HADHB: variants seen among roughly 807,000 people sequenced by gnomAD.
HADHB encodes trifunctional enzyme subunit beta, mitochondrial.
A neutral mutation model predicts 61.9 loss-of-function variants in HADHB; 50 were observed. The observed-to-expected ratio is 0.81, with a 90% confidence interval of 0.64 to 1.02. The LOEUF is 1.02. HADHB is among the 50% of genes least tolerant of loss of function. The pLI is 0.00. For synonymous variants in HADHB, 191 were observed against 201.6 expected (o/e 0.95, Z 0.45); for missense variants, 504 against 586.5 (o/e 0.86, Z 1.45).
At chr2:26,284,011 G>GTT in intron 12 of HADHB, 106 bp from the exon 13 acceptor site, 1 of 711,552 alleles carries the variant, frequency 1.4e-6, no homozygotes, top group Non-Finnish European at 2.5e-6. Context: ...CAAAGAATGA[G>GTT]TGAAAAGACA....
intron 3 of HADHB, among the ~76,000 whole-genome samples, chr2:26,260,231 A>G (rs1671805790): frequency 6.6e-6 from 1 of 151,632 alleles, no homozygotes; most frequent in South Asian, 2.1e-4. Flanking sequence ...ATAGGAGCGT[A>G]CCACCGTGCC....
chr2:26,280,477 G>A (rs1288694822), intron 10 of HADHB, among the ~76,000 whole-genome samples: 1 of 152,234 alleles, frequency 6.6e-6, no homozygotes, highest in Admixed American at 6.5e-5. Context: ...TGGGGGGACA[G>A]TCAGAGAGTC....
At chr2:26,248,103 C>T (rs1671236834) in intron 1 of HADHB, among the ~76,000 whole-genome samples, 1 of 152,046 alleles carries the variant, frequency 6.6e-6, no homozygotes, top group African/African-American at 2.4e-5. Flanking sequence ...GTTTACTTAC[C>T]CATTTCCCTA....
In HADHB at chr2:26,254,332, TA is replaced by T. The variant is rs771594408; in HGVS notation, c.64+15del. The T allele has an allele frequency of 2.8e-4, 425 of 1,519,266 alleles. No homozygotes were observed. The highest frequency in any genetic ancestry group is 8.6e-4 in the Middle Eastern group (5 of 5,840). 94.1% of individuals were successfully genotyped at this position (1,519,266 alleles called of 1,614,324 possible). A position where few individuals can be genotyped will look rare whatever the true frequency, so the allele number is the denominator to read the frequency against. On this transcript the variant is annotated intron_variant, in intron 2 of 15. Coordinates refer to ENST00000317799, the MANE Select transcript of HADHB (RefSeq NM_000183.3). ...CCCTCAGATTTTGTAAGTTTATTAT[TA>T]TTTTTTTATTTTTAGAGATTGGATT...
intron 15 of HADHB, among the ~76,000 whole-genome samples, chr2:26,285,781 A>G (rs889148366): frequency 3.2e-5 from 3 of 94,786 alleles, no homozygotes; most frequent in African/African-American, 4.5e-5. Context: ...TCTGTCACCC[A>G]GGTTGGAATG....
At chr2:26,249,604 C>T (rs1558338952) in intron 1 of HADHB, among the ~76,000 whole-genome samples, 1 of 151,858 alleles carries the variant, frequency 6.6e-6, no homozygotes, top group Admixed American at 6.6e-5. Context: ...TCGGCCAGGA[C>T]TCTTCTTTTT....
intron 6 of HADHB, among the ~76,000 whole-genome samples, chr2:26,274,164 A>G (rs754893773): frequency 1.9e-4 from 29 of 152,228 alleles, no homozygotes; most frequent in Non-Finnish European, 3.7e-4. Flanking sequence ...AGCCTTGCTT[A>G]CTCATTTGTT....
intron 1 of HADHB, among the ~76,000 whole-genome samples, chr2:26,251,265 G>C (rs1366843640): frequency 6.6e-6 from 1 of 151,752 alleles, no homozygotes. Flanking sequence ...ATGGCTCACT[G>C]CAGCCTCGAA....
At chr2:26,255,076 A>G (rs985766649) in intron 3 of HADHB, 3 of 156,358 alleles carry the variant, frequency 1.9e-5, no homozygotes, top group African/African-American at 7.2e-5. Context: ...GTAGGTTTTT[A>G]TCTTCACTGG....
At chr2:26,273,822 T>A (rs573207857) in intron 6 of HADHB, 72 bp downstream of exon 6, 8 of 833,466 alleles carry the variant, frequency 9.6e-6, no homozygotes, top group African/African-American at 5.0e-5. Context: ...TAATAGAAGT[T>A]ACTTTACAAA....
At chr2:26,261,214 C>CCG (rs1553319427) in intron 3 of HADHB, 4 of 459,618 alleles carry the variant, frequency 8.7e-6, no homozygotes, top group Non-Finnish European at 1.5e-5. Flanking sequence ...CAACAAATAC[C>CCG]CCCCCCCCAT....
Position 26,285,426 on chromosome 2 carries a change from A to G in HADHB, c.1244A>G (p.Glu415Gly), listed in dbSNP as rs374949183. Residue 415 changes from glutamate (E) to glycine (G), a missense_variant, in exon 15 of 16, where the codon GAG (glutamate) becomes GGG (glycine). Glu to Gly is a moderately conservative substitution (Grantham distance 98). Transcript: ENST00000317799. ...AGCCAGGTTGGATTGCCTCCTTTGG[A>G]GAAGTTTAATAACTGGGGTGGATCT... Reference protein sequence around the residue: ...RKTKVGLPPLEKFNNWGGSLS... With the variant: ...RKTKVGLPPLGKFNNWGGSLS... 6.2e-7 allele frequency: 1 copy of G among 1,613,820 alleles called. No individual in the cohort carries two copies. Among genetic ancestry groups the G allele is most frequent in the East Asian group, 2.2e-5 (1 of 44,884 alleles).
chr2:26,284,294 T>A, intron 13 of HADHB, 90 bp downstream of exon 13: 1 of 811,062 alleles, frequency 1.2e-6, no homozygotes, highest in South Asian at 1.3e-5. Flanking sequence ...TGGTTTATGA[T>A]GTGAGTAGAG....
rs182541227 is a variant in HADHB, at chr2:26,263,164, T to A, written c.110-216T>A. 8.4e-3 allele frequency among the ~76,000 whole-genome samples: 1,274 copies of A among 152,086 alleles called. 8 individuals are homozygous for A. The highest frequency in any genetic ancestry group is 0.013 in the Non-Finnish European group (880 of 67,982). On this transcript the variant is annotated intron_variant, in intron 3 of 15. Coordinates refer to ENST00000317799, the MANE Select transcript of HADHB (RefSeq NM_000183.3). ...AAATACAAAAATTAGCTGGGCATGA[T>A]GGCAGGTGCCTGTAATCCCAGCTAC...
intron 3 of HADHB, among the ~76,000 whole-genome samples, chr2:26,257,543 C>T (rs558342725): frequency 6.6e-6 from 1 of 152,168 alleles, no homozygotes; most frequent in East Asian, 1.9e-4. Flanking sequence ...CTCTGTGGCA[C>T]CTTTACCCAG....
intron 1 of HADHB, among the ~76,000 whole-genome samples, chr2:26,246,965 T>C (rs1162667430): frequency 4.6e-5 from 7 of 152,212 alleles, no homozygotes; most frequent in Non-Finnish European, 8.8e-5. Context: ...TGTGTGTGTG[T>C]GCGCGTGCGC....
intron 3 of HADHB, among the ~76,000 whole-genome samples, chr2:26,259,212 C>T (rs1053628110): frequency 6.6e-6 from 1 of 152,164 alleles, no homozygotes; most frequent in Non-Finnish European, 1.5e-5. Flanking sequence ...CGGGTCTGTC[C>T]CACAGACCCT....
chr2:26,249,134 T>G (rs570179532), intron 1 of HADHB, among the ~76,000 whole-genome samples: 134 of 152,336 alleles, frequency 8.8e-4, no homozygotes, highest in Admixed American at 7.7e-3. Context: ...CATTTTAATT[T>G]CTTCTGTGAA....
intron 3 of HADHB, chr2:26,260,816 G>C (rs1014052866): frequency 1.0e-5 from 6 of 590,436 alleles, no homozygotes; most frequent in Non-Finnish European, 1.8e-5. Flanking sequence ...CCCTTTCCTG[G>C]TCTTTCTGCT....
Sources: gnomAD v4.1 joint callset for allele counts (sites outside exome capture counted in the v4.1 genomes callset) on GRCh38, gnomAD v4.1.1 for gene constraint, MANE v1.5 for transcripts, NCBI Gene and HGNC (gene_info 2026-07-23, HGNC 2026-07-21) for gene names.